ALG8: variants seen among roughly 807,000 people sequenced by gnomAD.
The protein encoded by ALG8 is dolichyl pyrophosphate Glc1Man9GlcNAc2 alpha-1,3-glucosyltransferase.
Under a neutral mutation model 70.2 loss-of-function variants are expected in ALG8, and 48 were observed. The observed-to-expected ratio is 0.68, with a 90% CI of 0.54 to 0.87. The LOEUF is 0.87. Ranked by LOEUF, ALG8 falls within the 40% of genes least tolerant of loss-of-function variation. The probability of loss-of-function intolerance (pLI) is 0.00; values close to 1 mark genes in which losing one functional copy is unlikely to be tolerated. For synonymous variants in ALG8, 234 were observed against 229.0 expected (o/e 1.02, Z -0.20); for missense variants, 572 against 608.7 (o/e 0.94, Z 0.64).
Position 78,114,393 on chromosome 11 carries a change from C to A in ALG8, c.547-1G>T. The A allele has an allele frequency of 6.2e-7, 1 of 1,613,650 alleles. No homozygotes were observed. Among genetic ancestry groups the A allele is most frequent in the South Asian group, 1.1e-5 (1 of 91,054 alleles). Reference sequence around the variant, plus strand: ...GAAATGCTCCTTCCATATGCCTTTTCTAGGAGATTTAAAAGGGAAATATCA... The same window carrying A: ...GAAATGCTCCTTCCATATGCCTTTTATAGGAGATTTAAAAGGGAAATATCA... On this transcript the variant is annotated splice_acceptor_variant, in intron 5 of 12. Coordinates refer to ENST00000299626, the MANE Select transcript of ALG8 (RefSeq NM_024079.5). LOFTEE classifies it high-confidence loss of function.
At chr11:78,107,339 A>G (rs60950998) in intron 9 of ALG8, among the ~76,000 whole-genome samples, 32,422 of 147,182 alleles carry the variant, frequency 0.22, 4,406 homozygotes, top group African/African-American at 0.38. Context: ...TCCTGCCTCA[A>G]CCTCCCAAGT....
At chr11:78,128,126 TGAG>T (rs768974403) in intron 1 of ALG8, among the ~76,000 whole-genome samples, 13 of 152,242 alleles carry the variant, frequency 8.5e-5, no homozygotes, top group Admixed American at 2.0e-4. Context: ...GACATAAGGA[TGAG>T]GAGTTCATCT....
At chr11:78,103,764 G>C (rs1183016786) in intron 12 of ALG8, among the ~76,000 whole-genome samples, 1 of 152,112 alleles carries the variant, frequency 6.6e-6, no homozygotes, top group Non-Finnish European at 1.5e-5. Flanking sequence ...AATTTAAGTA[G>C]TCCTCCTCAA....
chr11:78,131,372 G>A (rs1861303999), intron 1 of ALG8, among the ~76,000 whole-genome samples: 1 of 152,206 alleles, frequency 6.6e-6, no homozygotes, highest in African/African-American at 2.4e-5. Context: ...GGAGGCCATG[G>A]TGGGAGGATA....
At position 78,139,619 on chromosome 11, in the gene ALG8, T is replaced by G. The variant is rs528112587; in HGVS notation, c.-31A>C. The G allele has an allele frequency of 1.7e-5, 26 of 1,547,292 alleles. No homozygotes were observed. Among genetic ancestry groups the G allele is most frequent in the South Asian group, 1.4e-4 (12 of 83,988 alleles). ...CGGCACCGCACGCTTCCCACCAACT[T>G]GATCCACATCCGGGATCCCGCGCAT... On this transcript the variant is annotated 5_prime_UTR_variant, in exon 1 of 13. Coordinates refer to ENST00000299626, the MANE Select transcript of ALG8 (RefSeq NM_024079.5).
intron 7 of ALG8, among the ~76,000 whole-genome samples, chr11:78,112,978 A>ATAAAAATACTCTGAATACCCGTCCATAC (rs1239544169): frequency 6.6e-6 from 1 of 152,234 alleles, no homozygotes; most frequent in Non-Finnish European, 1.5e-5. Context: ...GACAATATAC[A>ATAAAAATACTCTGAATACCCGTCCATAC]TAAAAATACT....
chr11:78,117,109 T>C (rs1420082911), intron 5 of ALG8, among the ~76,000 whole-genome samples: 1 of 152,202 alleles, frequency 6.6e-6, no homozygotes, highest in Admixed American at 6.5e-5. Context: ...CTTTAGATTA[T>C]CAAATTTGAT....
chr11:78,102,951 C>CAAAAAAAAAAA (rs35218171), intron 12 of ALG8: 1 of 119,590 alleles, frequency 8.4e-6, no homozygotes. Flanking sequence ...AACTCCGTCT[C>CAAAAAAAAAAA]AAAAAAAAAA....
intron 1 of ALG8, among the ~76,000 whole-genome samples, chr11:78,134,232 G>A (rs577988464): frequency 5.3e-5 from 8 of 151,944 alleles, no homozygotes; most frequent in African/African-American, 1.9e-4. Context: ...TCGCCTCCTG[G>A]GTTCAAGTGA....
intron 7 of ALG8, among the ~76,000 whole-genome samples, chr11:78,113,408 TC>T (rs1860392974): frequency 1.3e-5 from 2 of 152,084 alleles, no homozygotes; most frequent in Admixed American, 1.3e-4. Flanking sequence ...CACAAAAATG[TC>T]TGAAAGAATA....
At chr11:78,124,254 T>A (rs369152644) in intron 2 of ALG8, 40 bp from the exon 3 acceptor site, 1 of 1,587,552 alleles carries the variant, frequency 6.3e-7, no homozygotes, top group South Asian at 1.1e-5. Context: ...CCTAAATAAC[T>A]GAATAAACAA....
intron 1 of ALG8, among the ~76,000 whole-genome samples, chr11:78,138,482 C>T (rs1054402893): frequency 6.6e-6 from 1 of 152,146 alleles, no homozygotes. Flanking sequence ...CATATACATT[C>T]CACTTACATG....
Position 78,109,423 on chromosome 11 carries a change from C to T in ALG8, c.1038+19G>A, listed in dbSNP as rs1860182537. 6.2e-7 allele frequency: 1 copy of T among 1,614,030 alleles called. No individual in the cohort carries two copies. The highest frequency in any genetic ancestry group is 8.5e-7 in the Non-Finnish European group (1 of 1,179,950). On this transcript the variant is annotated intron_variant, in intron 9 of 12. Coordinates refer to ENST00000299626, the MANE Select transcript of ALG8 (RefSeq NM_024079.5). ...GCAGAGAAAACTCAAGAAATGAGCA[C>T]CATCTGTTGAGTTCTTACCAATATG...
At chr11:78,137,435 C>G (rs1861599447) in intron 1 of ALG8, 1 of 152,160 alleles carries the variant, frequency 6.6e-6, no homozygotes, top group Admixed American at 6.5e-5. Context: ...AACTTTTCCT[C>G]TGCACTCACA....
chr11:78,129,787 T>A (rs1861226651), intron 1 of ALG8, among the ~76,000 whole-genome samples: 3 of 152,166 alleles, frequency 2.0e-5, no homozygotes, highest in Admixed American at 2.0e-4. Flanking sequence ...AAATGGTAAT[T>A]ATCTATTATA....
rs771577945 is a variant in ALG8 at position 78,109,593 on chromosome 11, A to C, written c.899-12T>G. On this transcript the variant is annotated splice_polypyrimidine_tract_variant and intron_variant, in intron 8 of 12. Transcript: ENST00000299626. ...TTTCAATTTCAAACCTATTAAACAG[A>C]TATTTTGTTTTGTTTTATTTTTATC... 1 of 1,610,582 alleles carries C rather than the reference A, an allele frequency of 6.2e-7. No individual in the cohort carries two copies. Among genetic ancestry groups the C allele is most frequent in the African/African-American group, 1.3e-5 (1 of 74,810 alleles).
At chr11:78,110,704 C>A (rs950412685) in intron 8 of ALG8, among the ~76,000 whole-genome samples, 13 of 152,132 alleles carry the variant, frequency 8.5e-5, no homozygotes, top group Non-Finnish European at 1.6e-4. Context: ...ATAGGACAGT[C>A]AGAGACAGTT....
chr11:78,104,629 T>C (rs1014919428), intron 10 of ALG8, 176 bp from the exon 11 acceptor site: 34 of 600,674 alleles, frequency 5.7e-5, no homozygotes, highest in Non-Finnish European at 9.0e-5. Context: ...TTTTAAGCAA[T>C]CAATAGCATG....
Position 78,119,165 on chromosome 11 carries a change from T to G in ALG8, c.546+17A>C, listed in dbSNP as rs1292286247. On this transcript the variant is annotated intron_variant, in intron 5 of 12. Transcript: ENST00000299626. The stretch of plus-strand genomic sequence containing the variant: ...TAATCTAAAAGGGAAAAAATCTAAT[T>G]AAACAATTATGTTTACCTGAAATAA... 6.3e-7 allele frequency: 1 copy of G among 1,580,682 alleles called. No individual in the cohort carries two copies. Among genetic ancestry groups the G allele is most frequent in the Non-Finnish European group, 8.7e-7 (1 of 1,150,148 alleles).
Sources: gnomAD v4.1 joint callset for allele counts (sites outside exome capture counted in the v4.1 genomes callset) on GRCh38, gnomAD v4.1.1 for gene constraint, MANE v1.5 for transcripts, NCBI Gene and HGNC (gene_info 2026-07-23, HGNC 2026-07-21) for gene names.